Variants in FAM151B observed in about 807,000 individuals in gnomAD.
FAM151B encodes protein FAM151B.
Under a neutral mutation model 31.2 loss-of-function variants are expected in FAM151B, and 24 were observed. The ratio of observed to expected loss-of-function variants is 0.77; its 90% CI spans 0.56 to 1.08. The LOEUF (loss-of-function observed/expected upper bound fraction) is 1.08. Among genes scored for constraint, FAM151B ranks in the 50% least tolerant of loss-of-function variants. FAM151B has a pLI of 0.00. For synonymous variants in FAM151B, 105 were observed against 111.4 expected (o/e 0.94, Z 0.36); for missense variants, 293 against 328.6 (o/e 0.89, Z 0.84).
chr5:80,541,228 C>T (rs781052462), intron 5 of FAM151B, among the ~76,000 whole-genome samples: 25 of 152,306 alleles, frequency 1.6e-4, no homozygotes, highest in Middle Eastern at 3.4e-3. Flanking sequence ...GCAGGGCCTC[C>T]GTATATGATT....
In FAM151B at chr5:80,501,853, C is replaced by T. The variant is rs374879012; in HGVS notation, c.87C>T (p.Asp29=). The T allele has an allele frequency of 5.6e-5, 90 of 1,603,292 alleles. No homozygotes were observed. The highest frequency in any genetic ancestry group is 2.2e-4 in the South Asian group (20 of 89,692). ...FLRNSQITAE[D]GAEITWYHAA... The stretch of plus-strand genomic sequence containing the variant: ...GAAATAGCCAGATTACAGCAGAAGA[C>T]GGTGCTGAGATCACCTGGTATCATG... Residue 29 remains aspartate (D), a synonymous_variant, in exon 2 of 6, where the codon GAC becomes GAT. Coordinates refer to ENST00000282226, the MANE Select transcript of FAM151B (RefSeq NM_205548.3).
At chr5:80,520,733 TA>T (rs1296875900) in intron 4 of FAM151B, among the ~76,000 whole-genome samples, 2 of 147,986 alleles carry the variant, frequency 1.4e-5, no homozygotes, top group East Asian at 1.9e-4. Flanking sequence ...TATTTATATA[TA>T]AAAATATATA....
intron 5 of FAM151B, among the ~76,000 whole-genome samples, chr5:80,523,854 C>T (rs182902869): frequency 1.1e-3 from 160 of 152,126 alleles, no homozygotes; most frequent in Admixed American, 1.5e-3. Context: ...TAGGTGATAC[C>T]AGACACTATT....
intron 5 of FAM151B, among the ~76,000 whole-genome samples, chr5:80,538,562 TTCCTTCCTTCCC>T (rs1472725174): frequency 3.2e-5 from 4 of 125,026 alleles, no homozygotes; most frequent in Non-Finnish European, 5.0e-5. Context: ...CCTTCCTTCC[TTCCTTCCTTCCC>T]TCCCTTCCTT....
intron 4 of FAM151B, 96 bp from the exon 5 acceptor site, chr5:80,521,907 C>A: frequency 1.2e-6 from 1 of 822,658 alleles, no homozygotes. Context: ...TATGAATTAT[C>A]TATGGTTTTA....
chr5:80,536,365 G>A (rs1020811087), intron 5 of FAM151B, among the ~76,000 whole-genome samples: 4 of 151,656 alleles, frequency 2.6e-5, no homozygotes, highest in African/African-American at 2.4e-5. Flanking sequence ...TAGTAGAGAC[G>A]GAGTTTCACC....
intron 3 of FAM151B, among the ~76,000 whole-genome samples, chr5:80,519,380 A>G (rs1458795736): frequency 1.3e-5 from 2 of 152,160 alleles, no homozygotes; most frequent in African/African-American, 4.8e-5. Flanking sequence ...GTGTCTTTTA[A>G]AAAACTGTTT....
chr5:80,502,309 G>A (rs928880621), intron 2 of FAM151B, among the ~76,000 whole-genome samples: 4 of 151,986 alleles, frequency 2.6e-5, no homozygotes, highest in African/African-American at 7.2e-5. Context: ...TGTCTGATTC[G>A]AAACTCTCAT....
At chr5:80,535,957 T>C (rs534824439) in intron 5 of FAM151B, among the ~76,000 whole-genome samples, 1 of 152,192 alleles carries the variant, frequency 6.6e-6, no homozygotes, top group South Asian at 2.1e-4. Context: ...AAAAAAGACA[T>C]ACAAATGGCA....
At chr5:80,489,489 C>T (rs1018224530) in intron 1 of FAM151B, among the ~76,000 whole-genome samples, 1 of 152,166 alleles carries the variant, frequency 6.6e-6, no homozygotes, top group Non-Finnish European at 1.5e-5. Context: ...AAAGCTCACA[C>T]TCAAGACTTA....
At chr5:80,499,264 C>T (rs1053575165) in intron 1 of FAM151B, among the ~76,000 whole-genome samples, 3 of 151,974 alleles carry the variant, frequency 2.0e-5, no homozygotes, top group African/African-American at 7.3e-5. Context: ...CTACCACTTA[C>T]CTTAGTCTTG....
In FAM151B at chr5:80,538,570, T is replaced by C. The variant is rs1204903838; in HGVS notation, c.672-3103T>C. 8.2e-4 allele frequency among the ~76,000 whole-genome samples: 98 copies of C among 118,832 alleles called. 1 individual carries two copies. Among genetic ancestry groups the C allele is most frequent in the South Asian group, 1.6e-3 (5 of 3,176 alleles). The allele number at this position is 118,832 out of a possible 152,430, so 78.0% of individuals were successfully genotyped here. A position where few individuals can be genotyped will look rare whatever the true frequency, so the allele number is the denominator to read the frequency against. On this transcript the variant is annotated intron_variant, in intron 5 of 5. Coordinates refer to ENST00000282226, the MANE Select transcript of FAM151B (RefSeq NM_205548.3). The stretch of plus-strand genomic sequence containing the variant: ...CTTCCTTCCTTCCTTCCTTCCTTCC[T>C]TCCCTCCCTTCCTTTCCTCCTTTCT...
chr5:80,508,046 T>C (rs1442222583), intron 2 of FAM151B, among the ~76,000 whole-genome samples: 1 of 152,242 alleles, frequency 6.6e-6, no homozygotes, highest in South Asian at 2.1e-4. Flanking sequence ...TGGCCTTTTG[T>C]GACTGGCTTC....
At chr5:80,515,486 A>G (rs1335011223) in intron 3 of FAM151B, among the ~76,000 whole-genome samples, 1 of 152,036 alleles carries the variant, frequency 6.6e-6, no homozygotes, top group African/African-American at 2.4e-5. Flanking sequence ...AAACTTTTAG[A>G]TCTCCTTGAT....
chr5:80,513,776 G>C lies in FAM151B; in HGVS notation c.317+7G>C. ...TCAAGCTGGATTTCAAAAGGTATTT[G>C]TATAAACACGTTCAATTTTCTGGGA... On this transcript the variant is annotated splice_region_variant and intron_variant, in intron 3 of 5. Coordinates refer to ENST00000282226, the MANE Select transcript of FAM151B (RefSeq NM_205548.3). 1 of 1,591,532 alleles carries C rather than the reference G, an allele frequency of 6.3e-7. No individual in the cohort carries two copies. Among genetic ancestry groups the C allele is most frequent in the Non-Finnish European group, 8.5e-7 (1 of 1,170,702 alleles).
At chr5:80,526,626 A>C (rs187936382) in intron 5 of FAM151B, among the ~76,000 whole-genome samples, 158 of 152,236 alleles carry the variant, frequency 1.0e-3, no homozygotes, top group African/African-American at 3.7e-3. Flanking sequence ...TCTAAAAAAA[A>C]ATAGTCTTTC....
In FAM151B at chr5:80,493,871, G is replaced by A. The variant is rs915455442; in HGVS notation, c.25+5723G>A. Among the ~76,000 whole-genome samples, 2 of 152,136 alleles carry A rather than the reference G, an allele frequency of 1.3e-5. 1 individual carries two copies. Among genetic ancestry groups the A allele is most frequent in the African/African-American group, 4.8e-5 (2 of 41,426 alleles). On this transcript the variant is annotated intron_variant, in intron 1 of 5. Transcript: ENST00000282226. ...TGATCTTAATTGCCCTTTGAAGCAT[G>A]TGATCCTTGTGACCTACTCCCTGTT...
At chr5:80,511,435 C>CAAAAAAAAA (rs57587683) in intron 2 of FAM151B, among the ~76,000 whole-genome samples, 1 of 54,084 alleles carries the variant, frequency 1.8e-5, no homozygotes, top group Non-Finnish European at 3.4e-5. Flanking sequence ...GACTCTGTCT[C>CAAAAAAAAA]AAAAAAAAAA....
At chr5:80,494,321 C>T (rs1743422930) in intron 1 of FAM151B, among the ~76,000 whole-genome samples, 1 of 152,152 alleles carries the variant, frequency 6.6e-6, no homozygotes, top group South Asian at 2.1e-4. Context: ...CAAAAAATTT[C>T]AAGGTGAAGC....
Sources: gnomAD v4.1 joint callset for allele counts (sites outside exome capture counted in the v4.1 genomes callset) on GRCh38, gnomAD v4.1.1 for gene constraint, MANE v1.5 for transcripts, NCBI Gene and HGNC (gene_info 2026-07-23, HGNC 2026-07-21) for gene names.